The following RASSF2 variants were observed in gnomAD, a reference collection of about 807,000 sequenced individuals.
The protein encoded by RASSF2 is Ras association domain family member 2, also known as ras association domain-containing protein 2.
In RASSF2, 34 loss-of-function variants were observed where a neutral mutation model predicts 46.3. That is an observed-to-expected ratio of 0.73 (90% CI 0.56 to 0.98). The LOEUF (loss-of-function observed/expected upper bound fraction) is 0.98, where lower values mean the gene tolerates loss of function less well. RASSF2 is among the 50% of genes least tolerant of loss of function. The pLI is 0.00. For missense variants in RASSF2, 364 were observed against 431.2 expected (o/e 0.84, Z 1.38); for synonymous variants, 158 against 162.5 (o/e 0.97, Z 0.21).
At chr20:4,805,521 T>C (rs1927274264) in intron 2 of RASSF2, among the ~76,000 whole-genome samples, 1 of 152,054 alleles carries the variant, frequency 6.6e-6, no homozygotes, top group Non-Finnish European at 1.5e-5. Context: ...CTCCAGAATA[T>C]AAGTATTAAA....
intron 3 of RASSF2, among the ~76,000 whole-genome samples, chr20:4,799,301 C>A (rs533627794): frequency 2.0e-5 from 3 of 152,178 alleles, no homozygotes; most frequent in African/African-American, 4.8e-5. Flanking sequence ...GATTTCACCC[C>A]CTTTGTGATC....
rs1470308329 is a variant in RASSF2 at position 4,783,474 on chromosome 20, G to A, written c.*799C>T. On this transcript the variant is annotated 3_prime_UTR_variant, in exon 12 of 12. Coordinates refer to ENST00000379400, the MANE Select transcript of RASSF2 (RefSeq NM_014737.3). ...TCAGCTGGGTACAGAGAAACACACA[G>A]GATCTTCTCTGTCTCCTAAAGGTAG... The A allele has an allele frequency of 6.6e-6, 1 of 152,624 alleles. No individual in the cohort carries two copies. The highest frequency in any genetic ancestry group is 1.5e-5 in the Non-Finnish European group (1 of 68,052). The allele number at this position is 152,624 out of a possible 1,614,324, so 9.5% of individuals were successfully genotyped here. A position where few individuals can be genotyped will look rare whatever the true frequency, so the allele number is the denominator to read the frequency against.
intron 11 of RASSF2, 106 bp from the exon 12 acceptor site, chr20:4,784,448 C>T: frequency 3.0e-6 from 3 of 996,556 alleles, no homozygotes; most frequent in Non-Finnish European, 4.7e-6. Context: ...GGTAACAGTG[C>T]AGTCAAGTGC....
chr20:4,805,144 C>T (rs977982701), intron 2 of RASSF2, among the ~76,000 whole-genome samples: 2 of 151,950 alleles, frequency 1.3e-5, no homozygotes, highest in African/African-American at 2.4e-5. Flanking sequence ...ACCTGGGCCC[C>T]GACCTGGAGC....
At chr20:4,806,073 A>G (rs1280679163) in intron 2 of RASSF2, among the ~76,000 whole-genome samples, 3 of 152,186 alleles carry the variant, frequency 2.0e-5, no homozygotes, top group Non-Finnish European at 4.4e-5. Context: ...GACAGGGCCT[A>G]GAGCAGGGTT....
chr20:4,783,954 A>C lies in RASSF2; in HGVS notation c.*319T>G. 2 of 260,738 alleles carry C rather than the reference A, an allele frequency of 7.7e-6. No homozygotes were observed. The highest frequency in any genetic ancestry group is 1.5e-5 in the Non-Finnish European group (2 of 133,326). The allele number at this position is 260,738 out of a possible 1,614,324, so 16.2% of individuals were successfully genotyped here. A position where few individuals can be genotyped will look rare whatever the true frequency, so the allele number is the denominator to read the frequency against. On this transcript the variant is annotated 3_prime_UTR_variant, in exon 12 of 12. Coordinates refer to ENST00000379400, the MANE Select transcript of RASSF2 (RefSeq NM_014737.3). ...ACGGCTCTTGTGCTGGTTGCCTGGA[A>C]TTTAATTACATGTGAAAGTATCAGG...
In RASSF2 at chr20:4,790,929, G is replaced by A. The variant is rs73058472; in HGVS notation, c.377-318C>T. Among the ~76,000 whole-genome samples the A allele has an allele frequency of 0.045, 6,894 of 152,204 alleles. 226 individuals carry two copies. The highest frequency in any genetic ancestry group is 0.13 in the Middle Eastern group (37 of 294). On this transcript the variant is annotated intron_variant, in intron 6 of 11. Coordinates refer to ENST00000379400, the MANE Select transcript of RASSF2 (RefSeq NM_014737.3). This position sits in a 1 kb window ranked among gnomAD's most constrained non-coding sequence, Gnocchi z 4.3. ...ATAATAATAACACCCACCTCAGAGG[G>A]TTGCTGAGGGTTTAAATGAGTTAGT...
intron 9 of RASSF2, 75 bp from the exon 10 acceptor site, chr20:4,787,829 A>AAGCGACT (rs111533115): frequency 5.7e-5 from 91 of 1,588,870 alleles, no homozygotes; most frequent in Non-Finnish European, 7.7e-5. Context: ...CAGGGGTCCA[A>AAGCGACT]AGGCACCTTA....
intron 2 of RASSF2, among the ~76,000 whole-genome samples, chr20:4,803,053 G>A (rs1000050122): frequency 1.6e-4 from 25 of 151,836 alleles, no homozygotes; most frequent in Admixed American, 1.6e-3. Context: ...GCGACTAAAG[G>A]CATATGCCAT....
chr20:4,796,457 G>C (rs1051282282), intron 4 of RASSF2, among the ~76,000 whole-genome samples: 1 of 152,186 alleles, frequency 6.6e-6, no homozygotes, highest in African/African-American at 2.4e-5. Flanking sequence ...CAGAACACTA[G>C]CTCCTCTAGC....
intron 10 of RASSF2, 81 bp from the exon 11 acceptor site, chr20:4,786,409 C>CTTTGTGCCTTGT: frequency 8.3e-7 from 1 of 1,207,814 alleles, no homozygotes; most frequent in Non-Finnish European, 1.2e-6. Context: ...TTATACAAGG[C>CTTTGTGCCTTGT]ACAAAGCCTT....
chr20:4,803,716 C>T (rs1172380894), intron 2 of RASSF2, among the ~76,000 whole-genome samples: 1 of 151,640 alleles, frequency 6.6e-6, no homozygotes, highest in Non-Finnish European at 1.5e-5. Context: ...ATGATCATAC[C>T]ACTGCACTCT....
intron 1 of RASSF2, among the ~76,000 whole-genome samples, chr20:4,822,780 C>A (rs995576439): frequency 2.0e-5 from 3 of 152,188 alleles, no homozygotes; most frequent in Non-Finnish European, 2.9e-5. Flanking sequence ...CCCTCTGAAG[C>A]GCGCCGCCTC....
In RASSF2 at chr20:4,814,798, C is replaced by T. The variant is rs764216145; in HGVS notation, c.-33+7531G>A. 4.2e-4 allele frequency among the ~76,000 whole-genome samples: 64 copies of T among 152,206 alleles called. 1 individual carries two copies. The highest frequency in any genetic ancestry group is 1.2e-4 in the Non-Finnish European group (8 of 68,046). On this transcript the variant is annotated intron_variant, in intron 2 of 11. Coordinates refer to ENST00000379400, the MANE Select transcript of RASSF2 (RefSeq NM_014737.3). ...CCTAGTGCCAGGAGAAATGGCACAT[C>T]GGGGGGTTTCCAGACCGTTTCCAGG...
chr20:4,809,524 C>A (rs1051037822), intron 2 of RASSF2, among the ~76,000 whole-genome samples: 1 of 152,144 alleles, frequency 6.6e-6, no homozygotes, highest in Non-Finnish European at 1.5e-5. Flanking sequence ...TTTCTCTCCC[C>A]TCCTGGGCCT....
intron 1 of RASSF2, among the ~76,000 whole-genome samples, 151 bp from the exon 2 acceptor site, chr20:4,822,554 C>T (rs1928770669): frequency 6.6e-6 from 1 of 152,242 alleles, no homozygotes; most frequent in Admixed American, 6.5e-5. Context: ...CTGGCACTCT[C>T]GGCTGTCCCC....
intron 2 of RASSF2, among the ~76,000 whole-genome samples, chr20:4,808,179 T>C (rs1446564019): frequency 6.6e-6 from 1 of 152,202 alleles, no homozygotes; most frequent in East Asian, 1.9e-4. Flanking sequence ...CAGGGATTCA[T>C]TCGTTCAGCT....
chr20:4,793,522 AC>A (rs1183980262), intron 5 of RASSF2, among the ~76,000 whole-genome samples: 4 of 152,216 alleles, frequency 2.6e-5, no homozygotes, highest in African/African-American at 9.6e-5. Flanking sequence ...CACAGAATGG[AC>A]CTGGTCAGAG....
intron 2 of RASSF2, among the ~76,000 whole-genome samples, chr20:4,818,149 C>T (rs148858391): frequency 0.045 from 6,845 of 152,148 alleles, 217 homozygotes; most frequent in Non-Finnish European, 0.068. Context: ...CACCTGTAGT[C>T]CCAGCTACTT....
Sources: gnomAD v4.1 joint callset for allele counts (sites outside exome capture counted in the v4.1 genomes callset) on GRCh38, gnomAD v4.1.1 for gene constraint, Gnocchi (gnomAD v3.1) non-coding constraint, MANE v1.5 for transcripts, NCBI Gene and HGNC (gene_info 2026-07-23, HGNC 2026-07-21) for gene names.